Variants in SIAE observed in about 807,000 individuals in gnomAD.
SIAE encodes sialic acid acetylesterase.
A neutral mutation model predicts 52.6 loss-of-function variants in SIAE; 39 were observed. That is an observed-to-expected ratio of 0.74 (90% CI 0.57 to 0.97). SIAE has a LOEUF of 0.97. Among genes scored for constraint, SIAE ranks in the 50% least tolerant of loss-of-function variants. SIAE has a pLI of 0.00. For synonymous variants in SIAE, 233 were observed against 241.4 expected (o/e 0.97, Z 0.32); for missense variants, 592 against 662.1 (o/e 0.89, Z 1.16).
In SIAE at chr11:124,654,069, C is replaced by T. The variant is rs570883075; in HGVS notation, c.544+586G>A. 17 of 231,332 alleles carry T rather than the reference C, an allele frequency of 7.3e-5. No individual in the cohort carries two copies. In the East Asian group the frequency reaches 2.9e-3, roughly 40 times the overall value. The allele number at this position is 231,332 out of a possible 1,614,324, so 14.3% of individuals were successfully genotyped here. A position where few individuals can be genotyped will look rare whatever the true frequency, so the allele number is the denominator to read the frequency against. ...GCTGGTGCCTATAGTCCCAGCTACT[C>T]GGGAGGCTGAGGCAGGGGAATCACT... On this transcript the variant is annotated intron_variant, in intron 4 of 9. Coordinates refer to ENST00000263593, the MANE Select transcript of SIAE (RefSeq NM_170601.5).
chr11:124,638,687 G>A lies in SIAE; in HGVS notation c.1175C>T (p.Ala392Val). Residue 392 changes from alanine (A) to valine (V), a missense_variant, in exon 9 of 10, where the codon GCC becomes GTC. By Grantham distance (64) the Ala-to-Val change is moderately conservative. Coordinates refer to ENST00000263593, the MANE Select transcript of SIAE (RefSeq NM_170601.5). Reference protein sequence around the residue: ...QTVAYRLHLGARALAYGEKNL... With the variant: ...QTVAYRLHLGVRALAYGEKNL... ...CTTCTCACCATAAGCCAGAGCACGG[G>A]CCCCCAAATGCAGCCGATAAGCCAC... The A allele has an allele frequency of 6.2e-7, 1 of 1,614,104 alleles. No individual in the cohort carries two copies. The highest frequency in any genetic ancestry group is 8.5e-7 in the Non-Finnish European group (1 of 1,180,020).
At chr11:124,654,866 G>A (rs2134374410) in intron 3 of SIAE, 73 bp from the exon 4 acceptor site, 1 of 1,568,496 alleles carries the variant, frequency 6.4e-7, no homozygotes, top group East Asian at 2.2e-5. Flanking sequence ...GTAAACATCA[G>A]TCCTCTGAGC....
At position 124,633,119 on chromosome 11, in the gene SIAE, C is replaced by T. The variant is rs1248901106; in HGVS notation, c.*3832G>A. The T allele has an allele frequency of 7.3e-6, 1 of 136,588 alleles. No individual in the cohort carries two copies. Among genetic ancestry groups the T allele is most frequent in the East Asian group, 2.0e-4 (1 of 5,090 alleles). The allele number at this position is 136,588 out of a possible 1,614,324, so 8.5% of individuals were successfully genotyped here. A position where few individuals can be genotyped will look rare whatever the true frequency, so the allele number is the denominator to read the frequency against. ...CATTTTGCACATCCTTCAAGGGGAT[C>T]TTTAACCTCTTTAACCTTTGTATTG... On this transcript the variant is annotated 3_prime_UTR_variant, in exon 10 of 10. Coordinates refer to ENST00000263593, the MANE Select transcript of SIAE (RefSeq NM_170601.5).
At chr11:124,653,638 T>C (rs1161575348) in intron 4 of SIAE, among the ~76,000 whole-genome samples, 1 of 152,096 alleles carries the variant, frequency 6.6e-6, no homozygotes, top group Non-Finnish European at 1.5e-5. Context: ...GACAAAGGGC[T>C]GAAGAGTGAA....
intron 7 of SIAE, among the ~76,000 whole-genome samples, chr11:124,646,124 G>C (rs938573733): frequency 6.6e-6 from 1 of 152,194 alleles, no homozygotes; most frequent in African/African-American, 2.4e-5. Flanking sequence ...GTGCTAAAAA[G>C]TGTAGTTCAT....
intron 7 of SIAE, among the ~76,000 whole-genome samples, chr11:124,642,327 A>G (rs1942862086): frequency 6.6e-6 from 1 of 152,236 alleles, no homozygotes; most frequent in Non-Finnish European, 1.5e-5. Context: ...TGCTTTTAAC[A>G]AATATTTACT....
chr11:124,659,343 T>G (rs1943148146), intron 3 of SIAE: 1 of 152,230 alleles, frequency 6.6e-6, no homozygotes, highest in African/African-American at 2.4e-5. Flanking sequence ...AAAACCATCC[T>G]TTCTATCAAG....
At chr11:124,673,441 T>C (rs939414626) in intron 1 of SIAE, among the ~76,000 whole-genome samples, 2 of 150,802 alleles carry the variant, frequency 1.3e-5, no homozygotes, top group African/African-American at 4.9e-5. Context: ...AAGTGGGGGG[T>C]GGAGAAAGTG....
chr11:124,639,466 T>C (rs778915873), intron 8 of SIAE, among the ~76,000 whole-genome samples: 6 of 152,222 alleles, frequency 3.9e-5, no homozygotes, highest in Non-Finnish European at 5.9e-5. Flanking sequence ...GGTCTATGAA[T>C]GATTACAGTG....
chr11:124,641,798 A>C (rs1385096114), intron 7 of SIAE, among the ~76,000 whole-genome samples: 1 of 151,966 alleles, frequency 6.6e-6, no homozygotes, highest in African/African-American at 2.4e-5. Flanking sequence ...TTCTCTACTA[A>C]CAATACAAAA....
In SIAE at chr11:124,669,512, A is replaced by T; in HGVS notation, c.77T>A (p.Phe26Tyr). ...ATTATTGATGTATGAAGCAAAGCGA[A>T]AACCAATACCTAAAAAATTTAACAA... is the stretch of plus-strand genomic sequence containing the variant. ...LWADRSAGIGFRFASYINNDM... is the reference protein window; with the variant it reads ...LWADRSAGIGYRFASYINNDM... Residue 26 changes from phenylalanine to tyrosine, a missense_variant, in exon 2 of 10, where the codon TTT becomes TAT. Phe to Tyr is a conservative substitution (Grantham distance 22, BLOSUM62 3). Coordinates refer to ENST00000263593, the MANE Select transcript of SIAE (RefSeq NM_170601.5). The T allele has an allele frequency of 6.2e-7, 1 of 1,613,856 alleles. No individual in the cohort carries two copies. The highest frequency in any genetic ancestry group is 1.1e-5 in the South Asian group (1 of 91,088).
rs1425476818 is a variant in SIAE, at chr11:124,633,161, C to CTTT, written c.*3787_*3789dup. ...TTTGTATTGCACCTCAGATAATGTG[C>CTTT]TTTTTAGCTCAGTACACTGAAACCA... is the stretch of plus-strand genomic sequence containing the variant. On this transcript the variant is annotated 3_prime_UTR_variant, in exon 10 of 10. Coordinates refer to ENST00000263593, the MANE Select transcript of SIAE (RefSeq NM_170601.5). The CTTT allele has an allele frequency of 2.6e-5, 4 of 152,192 alleles. No individual in the cohort carries two copies. Among genetic ancestry groups the CTTT allele is most frequent in the Non-Finnish European group, 5.9e-5 (4 of 68,056 alleles). The allele number at this position is 152,192 out of a possible 1,614,324, so 9.4% of individuals were successfully genotyped here.
In SIAE at chr11:124,660,620, C is replaced by T; in HGVS notation, c.405+8G>A. On this transcript the variant is annotated splice_region_variant and intron_variant, in intron 3 of 9. Transcript: ENST00000263593. ...ACTGTGTATTATTGCTGAGACTCTGCAAATTACCTGTAACACAGTCATCTG... is the reference window on the plus strand; with the variant it reads ...ACTGTGTATTATTGCTGAGACTCTGTAAATTACCTGTAACACAGTCATCTG... The T allele has an allele frequency of 1.2e-6, 2 of 1,613,920 alleles. No homozygotes were observed. Among genetic ancestry groups the T allele is most frequent in the Middle Eastern group, 1.6e-4 (1 of 6,062 alleles).
upstream of SIAE, chr11:124,675,367 A>G (rs1943448775): frequency 6.2e-7 from 1 of 1,614,112 alleles, no homozygotes; most frequent in Non-Finnish European, 8.5e-7. Context: ...ACCGGACAAT[A>G]TACCAGCTTT....
At chr11:124,675,439 C>A, upstream of SIAE, 2 of 1,599,952 alleles carry the variant, frequency 1.3e-6, no homozygotes, top group South Asian at 2.3e-5. Flanking sequence ...TAAAATTAGT[C>A]ATTTTTTAAA....
upstream of SIAE, chr11:124,675,595 C>T (rs868697203): frequency 5.1e-6 from 3 of 590,984 alleles, no homozygotes; most frequent in Middle Eastern, 9.2e-4. Context: ...CTCTTAAATT[C>T]GTTTCATATT....
At chr11:124,640,315 AAG>A (rs1942824763) in intron 7 of SIAE, among the ~76,000 whole-genome samples, 1 of 152,182 alleles carries the variant, frequency 6.6e-6, no homozygotes, top group Non-Finnish European at 1.5e-5. Flanking sequence ...AGATCATAGA[AAG>A]AGAGGCTCTA....
intron 4 of SIAE, among the ~76,000 whole-genome samples, 197 bp from the exon 5 acceptor site, chr11:124,649,993 A>G (rs1942995102): frequency 6.6e-6 from 1 of 152,210 alleles, no homozygotes; most frequent in African/African-American, 2.4e-5. Context: ...TCTGAACACT[A>G]TTATCTCTTC....
At chr11:124,651,438 C>T (rs1022632944) in intron 4 of SIAE, among the ~76,000 whole-genome samples, 5 of 151,898 alleles carry the variant, frequency 3.3e-5, no homozygotes, top group African/African-American at 1.2e-4. Context: ...ATCCCAGCTG[C>T]CTAGGAGGCT....
Sources: allele counts gnomAD v4.1 joint callset (sites outside exome capture counted in the v4.1 genomes callset), GRCh38; gene constraint gnomAD v4.1.1; transcripts MANE v1.5; gene names NCBI Gene and HGNC (gene_info 2026-07-23, HGNC 2026-07-21).